Variants in RBFOX1 observed in about 807,000 individuals in gnomAD.
RBFOX1 encodes RNA binding protein fox-1 homolog 1.
A neutral mutation model predicts 57.7 loss-of-function variants in RBFOX1; 8 were observed. The ratio of observed to expected loss-of-function variants is 0.14; its 90% CI spans 0.08 to 0.25. The LOEUF (loss-of-function observed/expected upper bound fraction) is 0.25, where lower values mean the gene tolerates loss of function less well. Among genes scored for constraint, RBFOX1 ranks in the 10% least tolerant of loss-of-function variants. The pLI is 1.00. For missense variants in RBFOX1, 611 were observed against 548.5 expected (o/e 1.11, Z -1.14); for synonymous variants, 326 against 222.4 (o/e 1.47, Z -4.15).
At chr16:6,604,913 G>T (rs1207951906) in intron 2 of RBFOX1, among the ~76,000 whole-genome samples, 1 of 152,042 alleles carries the variant, frequency 6.6e-6, no homozygotes. Flanking sequence ...AGGCAGGCAG[G>T]TTACTTGAGC....
At chr16:6,317,964 C>T (rs1375790481) in intron 2 of RBFOX1, among the ~76,000 whole-genome samples, 1 of 152,106 alleles carries the variant, frequency 6.6e-6, no homozygotes, top group East Asian at 1.9e-4. Flanking sequence ...TAATTTGATA[C>T]ATCAAATATC....
chr16:6,933,864 T>G (rs2076950837), intron 3 of RBFOX1, among the ~76,000 whole-genome samples: 2 of 152,238 alleles, frequency 1.3e-5, no homozygotes, highest in African/African-American at 4.8e-5. Flanking sequence ...AATTGGGATT[T>G]CATTATTTTG....
At chr16:6,662,374 A>T (rs993503596) in intron 3 of RBFOX1, among the ~76,000 whole-genome samples, 3 of 152,196 alleles carry the variant, frequency 2.0e-5, no homozygotes, top group Non-Finnish European at 4.4e-5. Context: ...TCAAAAGGTC[A>T]CATTGTATCT....
chr16:7,469,084 G>T (rs7197209), intron 4 of RBFOX1, among the ~76,000 whole-genome samples: 1 of 152,072 alleles, frequency 6.6e-6, no homozygotes, highest in Non-Finnish European at 1.5e-5. Context: ...CAGGTGCCCA[G>T]CACCATGCCC....
intron 1 of RBFOX1, among the ~76,000 whole-genome samples, chr16:5,410,144 A>G (rs1252917264): frequency 1.3e-5 from 2 of 151,546 alleles, no homozygotes; most frequent in Non-Finnish European, 2.9e-5. Context: ...TGGGTGGAAC[A>G]CTTCAGCCCA....
intron 3 of RBFOX1, among the ~76,000 whole-genome samples, chr16:6,735,810 A>G (rs1003066211): frequency 4.6e-5 from 7 of 152,178 alleles, no homozygotes; most frequent in African/African-American, 1.7e-4. Flanking sequence ...AAGAACACAG[A>G]CATGAGGAAA....
intron 1 of RBFOX1, among the ~76,000 whole-genome samples, chr16:5,300,957 A>C (rs1003893178): frequency 1.3e-5 from 2 of 152,004 alleles, no homozygotes; most frequent in Admixed American, 6.5e-5. Flanking sequence ...TCTTGTCCTG[A>C]TCATTCTTTC....
At chr16:6,641,145 T>G (rs1406176692) in intron 2 of RBFOX1, among the ~76,000 whole-genome samples, 1 of 152,176 alleles carries the variant, frequency 6.6e-6, no homozygotes, top group Non-Finnish European at 1.5e-5. Flanking sequence ...AAGGTGCCTA[T>G]CAAAGTGTAA....
intron 3 of RBFOX1, among the ~76,000 whole-genome samples, chr16:6,848,879 C>G (rs1288837192): frequency 6.6e-6 from 1 of 152,078 alleles, no homozygotes; most frequent in Non-Finnish European, 1.5e-5. Context: ...CCTCAGGTGT[C>G]AAAGAGGAAC....
At chr16:5,464,802 C>G (rs1470540017) in intron 1 of RBFOX1, among the ~76,000 whole-genome samples, 4 of 152,100 alleles carry the variant, frequency 2.6e-5, no homozygotes, top group African/African-American at 9.7e-5. Context: ...AGAAGGAGGG[C>G]TTGGAGATTG....
chr16:7,157,924 G>C (rs1050464172), intron 4 of RBFOX1, among the ~76,000 whole-genome samples: 1 of 152,156 alleles, frequency 6.6e-6, no homozygotes, highest in South Asian at 2.1e-4. Flanking sequence ...AGCTGTGTTT[G>C]CTTTTTCTTA....
intron 2 of RBFOX1, among the ~76,000 whole-genome samples, chr16:5,483,424 TC>T (rs2151648925): frequency 6.6e-6 from 1 of 152,296 alleles, no homozygotes; most frequent in Non-Finnish European, 1.5e-5. Context: ...AGGCATTTTT[TC>T]CCCATCTGTA....
At chr16:7,590,950 C>T (rs912888840) in intron 7 of RBFOX1, among the ~76,000 whole-genome samples, 9 of 151,488 alleles carry the variant, frequency 5.9e-5, no homozygotes, top group Admixed American at 2.6e-4. Flanking sequence ...GAGAGCCAAC[C>T]ATGAGTAAGA....
At chr16:7,483,352 C>T (rs899458584) in intron 4 of RBFOX1, among the ~76,000 whole-genome samples, 1 of 152,122 alleles carries the variant, frequency 6.6e-6, no homozygotes, top group Admixed American at 6.5e-5. Context: ...ACTTACTGAA[C>T]CTGTGAATTG....
intron 4 of RBFOX1, among the ~76,000 whole-genome samples, chr16:5,975,268 GA>G (rs1215269750): frequency 3.3e-5 from 5 of 152,124 alleles, no homozygotes; most frequent in Non-Finnish European, 7.4e-5. Context: ...TCCTGCACGG[GA>G]TCTGCCTCAT....
chr16:5,892,502 A>AG (rs1488004712), intron 4 of RBFOX1, among the ~76,000 whole-genome samples: 2 of 152,292 alleles, frequency 1.3e-5, no homozygotes, highest in Admixed American at 1.3e-4. Context: ...GCTTGTAGTA[A>AG]GAGTGGTGAT....
chr16:6,543,688 A>G (rs1395953868), intron 2 of RBFOX1, among the ~76,000 whole-genome samples: 1 of 152,066 alleles, frequency 6.6e-6, no homozygotes, highest in Admixed American at 6.6e-5. Flanking sequence ...AGAGAGGAGA[A>G]CCTACGGGAT....
intron 4 of RBFOX1, among the ~76,000 whole-genome samples, chr16:7,223,182 G>A (rs2092856965): frequency 2.0e-5 from 3 of 152,208 alleles, no homozygotes; most frequent in Admixed American, 1.3e-4. Context: ...GACAACAAAG[G>A]TTATTGCTTA....
chr16:5,366,637 A>T, intron 1 of RBFOX1: 1 of 423,620 alleles, frequency 2.4e-6, no homozygotes, highest in East Asian at 6.4e-5. Context: ...TTGCTTCTGG[A>T]TGACTGACCA....
Sources: gnomAD v4.1 joint callset for allele counts (sites outside exome capture counted in the v4.1 genomes callset) on GRCh38, gnomAD v4.1.1 for gene constraint, MANE v1.5 for transcripts, NCBI Gene and HGNC (gene_info 2026-07-23, HGNC 2026-07-21) for gene names.